The following TEX26 variants were observed in gnomAD, a reference collection of about 807,000 sequenced individuals.
TEX26 encodes testis-expressed protein 26.
A neutral mutation model predicts 35.3 loss-of-function variants in TEX26; 34 were observed. That is an observed-to-expected ratio of 0.96 (90% CI 0.73 to 1.28). The LOEUF (loss-of-function observed/expected upper bound fraction) is 1.28. Ranked by LOEUF, TEX26 falls within the 50% of genes most tolerant of loss-of-function variation. TEX26 has a pLI of 0.00. For missense variants in TEX26, 371 were observed against 330.1 expected (o/e 1.12, Z -0.96); for synonymous variants, 136 against 111.8 (o/e 1.22, Z -1.36).
intron 4 of TEX26, among the ~76,000 whole-genome samples, chr13:30,964,581 T>C (rs941619091): frequency 1.3e-5 from 2 of 152,246 alleles, no homozygotes; most frequent in African/African-American, 4.8e-5. Flanking sequence ...TTTTTGCTTA[T>C]AAAGCTCCTA....
intron 5 of TEX26, among the ~76,000 whole-genome samples, chr13:30,966,681 C>T (rs1196803832): frequency 6.6e-6 from 1 of 152,126 alleles, no homozygotes; most frequent in Non-Finnish European, 1.5e-5. Flanking sequence ...TCAGGTGATC[C>T]ACCTGCCTCG....
chr13:30,932,913 C>CG (rs113449090), intron 1 of TEX26, 137 bp downstream of exon 1: 2 of 925,312 alleles, frequency 2.2e-6, no homozygotes, highest in Non-Finnish European at 3.2e-6. Context: ...GAGGAAAAGA[C>CG]GGGGAGTCAG....
chr13:30,942,106 G>A (rs1054793758), intron 2 of TEX26, among the ~76,000 whole-genome samples: 2 of 152,168 alleles, frequency 1.3e-5, no homozygotes, highest in Non-Finnish European at 2.9e-5. Context: ...CATAGAGGTT[G>A]TACTAATTTA....
In TEX26 at chr13:30,939,785, C is replaced by T; in HGVS notation, c.146+7C>T. The T allele has an allele frequency of 6.2e-7, 1 of 1,610,960 alleles. No individual in the cohort carries two copies. The highest frequency in any genetic ancestry group is 8.5e-7 in the Non-Finnish European group (1 of 1,177,336). On this transcript the variant is annotated splice_region_variant and intron_variant, in intron 2 of 6. Coordinates refer to ENST00000380473, the MANE Select transcript of TEX26 (RefSeq NM_152325.3). ...CAGTGCCTGCCTTAATTCGGTAGAT[C>T]ATTATTTGTGTTGGATTGATATACA...
rs140679758 is a variant in TEX26 at position 30,941,370 on chromosome 13, G to A, written c.146+1592G>A. ...TGCCATCTATATAACTGTAACAGTA[G>A]CCTGAAGAAGAAATGTTTAGGATGA... On this transcript the variant is annotated intron_variant, in intron 2 of 6. Transcript: ENST00000380473. Among the ~76,000 whole-genome samples, 173 of 152,282 alleles carry A rather than the reference G, an allele frequency of 1.1e-3. 1 individual carries two copies. Among genetic ancestry groups the A allele is most frequent in the African/African-American group, 3.9e-3 (164 of 41,558 alleles).
Position 30,966,398 on chromosome 13 carries a change from G to C in TEX26, c.646G>C (p.Val216Leu). Reference protein sequence around the residue: ...SSLPVASQGLVPSVLHSYLRN... With the variant: ...SSLPVASQGLLPSVLHSYLRN... ...CTTGCCTGTTGCTTCTCAGGGTCTA[G>C]GTGAGTACAGCTGCAGTTTCTTTTT... The change falls in exon 5 of 7, where the codon GTG (valine) becomes CTG (leucine). Residue 216 changes from valine to leucine, a missense_variant and splice_region_variant. Transcript: ENST00000380473. The C allele has an allele frequency of 6.2e-7, 1 of 1,601,938 alleles. No homozygotes were observed.
Position 30,932,723 on chromosome 13 carries a change from A to G in TEX26, c.8A>G (p.Gln3Arg), listed in dbSNP as rs750765290. Residue 3 changes from glutamine to arginine, a missense_variant, in exon 1 of 7, where the codon CAG (glutamine) becomes CGG (arginine). By Grantham distance (43) the Gln-to-Arg change is conservative (BLOSUM62 1). Coordinates refer to ENST00000380473, the MANE Select transcript of TEX26 (RefSeq NM_152325.3). ME[Q>R]PGPRAPDPSL... ...GCCGCCTCCTGGGGCAGAATGGAAC[A>G]GCCTGGGCCCAGGGCTCCGGATCCC... 4 of 1,613,592 alleles carry G rather than the reference A, an allele frequency of 2.5e-6. No homozygotes were observed. Among genetic ancestry groups the G allele is most frequent in the South Asian group, 2.2e-5 (2 of 90,986 alleles).
rs147168472 is a variant in TEX26 at position 30,974,858 on chromosome 13, T to C, written c.821T>C (p.Ile274Thr). The C allele has an allele frequency of 2.6e-6, 4 of 1,561,204 alleles. No individual in the cohort carries two copies. Among genetic ancestry groups the C allele is most frequent in the Non-Finnish European group, 3.5e-6 (4 of 1,158,820 alleles). ...TCATACTTTTCAGATAGACAAATTATTGATCGCTTTATTCGTACTCACTGT... is the reference window on the plus strand; with the variant it reads ...TCATACTTTTCAGATAGACAAATTACTGATCGCTTTATTCGTACTCACTGT... The part of the protein sequence containing the change: ...QSLSYKDRQI[I>T]DRFIRTHCDT... Residue 274 changes from isoleucine to threonine, a missense_variant, in exon 7 of 7, where the codon ATT becomes ACT. Physicochemically the swap from Ile to Thr is moderately conservative, Grantham distance 89 (BLOSUM62 -1). Transcript: ENST00000380473.
chr13:30,944,457 C>T (rs943578059), intron 2 of TEX26, among the ~76,000 whole-genome samples: 8 of 151,380 alleles, frequency 5.3e-5, no homozygotes, highest in Non-Finnish European at 7.4e-5. Context: ...TGTTCTTCTC[C>T]GATCTTATTT....
At chr13:30,965,077 A>G (rs371030734) in intron 4 of TEX26, among the ~76,000 whole-genome samples, 1 of 152,148 alleles carries the variant, frequency 6.6e-6, no homozygotes, top group African/African-American at 2.4e-5. Context: ...GAGCCCCACA[A>G]GTTCCTCCCC....
intron 2 of TEX26, among the ~76,000 whole-genome samples, chr13:30,951,903 T>C (rs536729955): frequency 6.7e-6 from 1 of 150,248 alleles, no homozygotes; most frequent in Non-Finnish European, 1.5e-5. Flanking sequence ...GGTTATTGTC[T>C]CTTACCTCAT....
At chr13:30,936,666 G>A (rs901187043) in intron 1 of TEX26, 3 of 985,180 alleles carry the variant, frequency 3.0e-6, no homozygotes, top group African/African-American at 3.5e-5. Context: ...GTTCTCCAAG[G>A]CCAGGTCAAG....
Position 30,974,832 on chromosome 13 carries a change from T to C in TEX26, c.809-14T>C. On this transcript the variant is annotated splice_polypyrimidine_tract_variant and intron_variant, in intron 6 of 6. Coordinates refer to ENST00000380473, the MANE Select transcript of TEX26 (RefSeq NM_152325.3). ...CGTGAAAATTTTCATCCTGTTTTTC[T>C]TCATACTTTTCAGATAGACAAATTA... 1 of 1,551,456 alleles carries C rather than the reference T, an allele frequency of 6.4e-7. No homozygotes were observed. The highest frequency in any genetic ancestry group is 8.7e-7 in the Non-Finnish European group (1 of 1,154,494).
At chr13:30,939,811 T>C (rs752366483) in intron 2 of TEX26, 33 bp downstream of exon 2, 2 of 1,554,678 alleles carry the variant, frequency 1.3e-6, no homozygotes, top group Non-Finnish European at 1.8e-6. Flanking sequence ...TTGATATACA[T>C]GTTTTAATTT....
intron 1 of TEX26, among the ~76,000 whole-genome samples, chr13:30,935,738 A>G (rs996963100): frequency 6.6e-6 from 1 of 152,176 alleles, no homozygotes; most frequent in Non-Finnish European, 1.5e-5. Context: ...TGACCGGATG[A>G]CCTGCCTACA....
chr13:30,959,844 T>A (rs1954271966), intron 4 of TEX26, among the ~76,000 whole-genome samples: 1 of 152,148 alleles, frequency 6.6e-6, no homozygotes, highest in Admixed American at 6.5e-5. Context: ...CAAAAGACTG[T>A]CACTAATGCA....
intron 6 of TEX26, among the ~76,000 whole-genome samples, chr13:30,970,309 A>G (rs910153222): frequency 6.6e-6 from 1 of 152,082 alleles, no homozygotes; most frequent in Non-Finnish European, 1.5e-5. Flanking sequence ...AGGGAGGTAC[A>G]AGAAGCAGGT....
intron 3 of TEX26, 23 bp from the exon 4 acceptor site, chr13:30,956,850 G>T (rs1170170749): frequency 6.2e-7 from 1 of 1,609,792 alleles, no homozygotes; most frequent in Non-Finnish European, 8.5e-7. Context: ...GGATTTTCTT[G>T]AAAATTATGT....
intron 2 of TEX26, among the ~76,000 whole-genome samples, chr13:30,944,354 C>T (rs1953623493): frequency 6.6e-6 from 1 of 151,738 alleles, no homozygotes; most frequent in South Asian, 2.1e-4. Context: ...CTCTTCTTTT[C>T]TTGGTTAATC....
Sources: allele counts gnomAD v4.1 joint callset (sites outside exome capture counted in the v4.1 genomes callset), GRCh38; gene constraint gnomAD v4.1.1; transcripts MANE v1.5; gene names NCBI Gene and HGNC (gene_info 2026-07-23, HGNC 2026-07-21).